The following MUSK variants were observed in gnomAD, a reference collection of about 807,000 sequenced individuals.
MUSK encodes the protein muscle associated receptor tyrosine kinase.
Under a neutral mutation model 88.7 loss-of-function variants are expected in MUSK, and 55 were observed. The observed-to-expected ratio is 0.62, with a 90% CI of 0.50 to 0.78. The LOEUF is 0.78. Among genes scored for constraint, MUSK ranks in the 30% least tolerant of loss-of-function variants. The probability of loss-of-function intolerance (pLI) is 0.00; values close to 1 mark genes in which losing one functional copy is unlikely to be tolerated. For missense variants in MUSK, 1,015 were observed against 1,074.3 expected (o/e 0.94, Z 0.77); for synonymous variants, 387 against 391.9 (o/e 0.99, Z 0.15).
rs1564209605 is a variant in MUSK, at chr9:110,681,060, T to TA, written c.80-1613dup. Among the ~76,000 whole-genome samples, 66 of 23,344 alleles carry TA rather than the reference T, an allele frequency of 2.8e-3. 8 individuals are homozygous for TA. The highest frequency in any genetic ancestry group is 0.019 in the African/African-American group (61 of 3,204). 15.3% of individuals were successfully genotyped at this position (23,344 alleles called of 152,430 possible). On this transcript the variant is annotated intron_variant, in intron 1 of 14. Coordinates refer to ENST00000374448, the MANE Select transcript of MUSK (RefSeq NM_005592.4). ...ATTATATAATATATATTATATATTA[T>TA]ATATATAATATTATATATATTATAT...
intron 3 of MUSK, among the ~76,000 whole-genome samples, chr9:110,689,952 ATAAATATATAT>A (rs2076293650): frequency 1.1e-5 from 1 of 92,400 alleles, no homozygotes; most frequent in African/African-American, 4.6e-5. Context: ...ATATTTAAAT[ATAAATATATAT>A]TTATATATTA....
chr9:110,806,413 C>A lies in MUSK; in HGVS notation c.*5425C>A, dbSNP rs2078163038. On this transcript the variant is annotated 3_prime_UTR_variant, in exon 15 of 15. Transcript: ENST00000374448. ...CAATCAGTCAACTATACACCTATTT[C>A]TACGCTGTCAACTATATGTTCATTT... is the stretch of plus-strand genomic sequence containing the variant. 6.6e-6 allele frequency among the ~76,000 whole-genome samples: 1 copy of A among 152,312 alleles called. No homozygotes were observed. Among genetic ancestry groups the A allele is most frequent in the South Asian group, 2.1e-4 (1 of 4,828 alleles).
intron 5 of MUSK, among the ~76,000 whole-genome samples, chr9:110,727,065 A>G (rs1564248150): frequency 6.6e-6 from 1 of 152,136 alleles, no homozygotes; most frequent in South Asian, 2.1e-4. Flanking sequence ...TACATTTGAC[A>G]GACGACCTCT....
chr9:110,690,539 T>C (rs370288586), intron 3 of MUSK, among the ~76,000 whole-genome samples: 1 of 25,700 alleles, frequency 3.9e-5, no homozygotes, highest in Non-Finnish European at 6.5e-5. Context: ...AGTATATATA[T>C]AAATATATAT....
intron 8 of MUSK, among the ~76,000 whole-genome samples, chr9:110,767,158 C>A (rs764780171): frequency 6.9e-4 from 105 of 152,264 alleles, no homozygotes; most frequent in Middle Eastern, 3.4e-3. Context: ...CACTGGGTGA[C>A]CAGTTGACTT....
At chr9:110,741,307 C>G (rs941600020) in intron 6 of MUSK, among the ~76,000 whole-genome samples, 4 of 151,386 alleles carry the variant, frequency 2.6e-5, no homozygotes, top group African/African-American at 9.8e-5. Flanking sequence ...AATTAAAAGT[C>G]TAAATTTTTT....
chr9:110,702,072 A>G (rs1228175968), intron 5 of MUSK, among the ~76,000 whole-genome samples: 1 of 151,268 alleles, frequency 6.6e-6, no homozygotes, highest in Non-Finnish European at 1.5e-5. Flanking sequence ...CAAATATGAA[A>G]TATCCTCGGA....
chr9:110,674,241 T>TACCACACAGACACATTAC (rs1467609468), intron 1 of MUSK, among the ~76,000 whole-genome samples: 1 of 152,202 alleles, frequency 6.6e-6, no homozygotes, highest in Non-Finnish European at 1.5e-5. Flanking sequence ...ATATTATTTC[T>TACCACACAGACACATTAC]ACCACACAGA....
At chr9:110,688,318 T>C (rs1470986990) in intron 3 of MUSK, among the ~76,000 whole-genome samples, 1 of 152,164 alleles carries the variant, frequency 6.6e-6, no homozygotes, top group Non-Finnish European at 1.5e-5. Flanking sequence ...TTAATTCTCA[T>C]AATTCCTTGA....
chr9:110,766,578 A>G (rs1001672878), intron 8 of MUSK, among the ~76,000 whole-genome samples: 1 of 152,218 alleles, frequency 6.6e-6, no homozygotes, highest in African/African-American at 2.4e-5. Flanking sequence ...AATGTATTAT[A>G]TCTCATTCCA....
chr9:110,685,810 G>T (rs114773993), intron 2 of MUSK, among the ~76,000 whole-genome samples: 2 of 151,984 alleles, frequency 1.3e-5, no homozygotes, highest in African/African-American at 4.8e-5. Flanking sequence ...ATTAACACAC[G>T]TATTTCTATT....
chr9:110,787,645 A>C, intron 13 of MUSK, 45 bp from the exon 14 acceptor site: 1 of 1,588,054 alleles, frequency 6.3e-7, no homozygotes, highest in Non-Finnish European at 8.6e-7. Context: ...TAAAGATATG[A>C]TGTCCATGAT....
intron 6 of MUSK, among the ~76,000 whole-genome samples, chr9:110,745,127 CTTTGTACTCAA>C (rs1321239528): frequency 6.6e-6 from 1 of 152,184 alleles, no homozygotes; most frequent in Non-Finnish European, 1.5e-5. Context: ...TCAGGAGTCA[CTTTGTACTCAA>C]GCATGAACCT....
At chr9:110,715,360 T>C (rs771029280) in intron 5 of MUSK, among the ~76,000 whole-genome samples, 2 of 149,518 alleles carry the variant, frequency 1.3e-5, no homozygotes, top group East Asian at 3.9e-4. Context: ...AAACCTGAAG[T>C]TCAGAGAAGT....
rs193013827 is a variant in MUSK at position 110,786,533 on chromosome 9, A to T, written c.1778+815A>T. 3.0e-4 allele frequency among the ~76,000 whole-genome samples: 45 copies of T among 152,190 alleles called. No individual in the cohort carries two copies. In the East Asian group the frequency reaches 7.3e-3, roughly 25 times the overall value. On this transcript the variant is annotated intron_variant, in intron 13 of 14. Coordinates refer to ENST00000374448, the MANE Select transcript of MUSK (RefSeq NM_005592.4). ...TTAAATTATAAGAAATTAGTAATAT[A>T]GTTCAATAATATTTCCTTTTCAGGA...
chr9:110,732,049 T>C (rs1455045621), intron 5 of MUSK, among the ~76,000 whole-genome samples: 2 of 152,138 alleles, frequency 1.3e-5, no homozygotes, highest in Admixed American at 6.6e-5. Context: ...TTTTTTATTC[T>C]GCTCATCTTC....
At chr9:110,722,068 T>C (rs1357682257) in intron 5 of MUSK, among the ~76,000 whole-genome samples, 1 of 152,130 alleles carries the variant, frequency 6.6e-6, no homozygotes, top group Non-Finnish European at 1.5e-5. Context: ...GATCCTCACC[T>C]CTCACCTTTT....
intron 13 of MUSK, among the ~76,000 whole-genome samples, chr9:110,787,278 T>C (rs139220697): frequency 0.1 from 15,249 of 146,172 alleles, 996 homozygotes; most frequent in South Asian, 0.18. Flanking sequence ...AGGAGAATGG[T>C]GTGAACCCAG....
rs2078157650 is a variant in MUSK, at chr9:110,806,037, A to G, written c.*5049A>G. On this transcript the variant is annotated 3_prime_UTR_variant, in exon 15 of 15. Coordinates refer to ENST00000374448, the MANE Select transcript of MUSK (RefSeq NM_005592.4). Reference sequence around the variant, plus strand: ...TTAAAAAAACTCACAAGAGGGTAAAAATTAAAAAAATAATAAAAGTTCCCT... The same window carrying G: ...TTAAAAAAACTCACAAGAGGGTAAAGATTAAAAAAATAATAAAAGTTCCCT... 6.6e-6 allele frequency among the ~76,000 whole-genome samples: 1 copy of G among 152,042 alleles called. No homozygotes were observed. The highest frequency in any genetic ancestry group is 1.5e-5 in the Non-Finnish European group (1 of 67,940).
Sources: allele counts gnomAD v4.1 joint callset (sites outside exome capture counted in the v4.1 genomes callset), GRCh38; gene constraint gnomAD v4.1.1; transcripts MANE v1.5; gene names NCBI Gene and HGNC (gene_info 2026-07-23, HGNC 2026-07-21).